Variants in OCA2 observed in about 807,000 individuals in gnomAD.
The protein encoded by OCA2 is P protein.
In OCA2, 77 loss-of-function variants were observed where a neutral mutation model predicts 100.2. The observed-to-expected ratio is 0.77, with a 90% confidence interval of 0.64 to 0.93. OCA2 has a LOEUF of 0.93. Among genes scored for constraint, OCA2 ranks in the 40% least tolerant of loss-of-function variants. The pLI is 0.00. For missense variants in OCA2, 1,062 were observed against 1,089.1 expected (o/e 0.98, Z 0.35); for synonymous variants, 432 against 439.2 (o/e 0.98, Z 0.21).
intron 23 of OCA2, among the ~76,000 whole-genome samples, chr15:27,790,295 A>G (rs1281387877): frequency 1.3e-5 from 2 of 152,250 alleles, no homozygotes; most frequent in African/African-American, 4.8e-5. Context: ...ACTTTCATAC[A>G]TTACTGGAAG....
downstream of OCA2, among the ~76,000 whole-genome samples, chr15:27,750,105 G>A (rs943744315): frequency 1.3e-5 from 2 of 152,088 alleles, no homozygotes; most frequent in Non-Finnish European, 2.9e-5. Context: ...TCCACTTAAA[G>A]CCACCTAGTG....
chr15:27,843,082 T>A (rs781753810), intron 23 of OCA2, among the ~76,000 whole-genome samples: 1 of 152,188 alleles, frequency 6.6e-6, no homozygotes, highest in African/African-American at 2.4e-5. Flanking sequence ...AGGCCTCCCA[T>A]GCCTACTTGT....
intron 23 of OCA2, among the ~76,000 whole-genome samples, chr15:27,831,102 A>G (rs78890338): frequency 0.028 from 4,301 of 152,092 alleles, 86 homozygotes; most frequent in African/African-American, 0.055. Flanking sequence ...CCTGGCCAAC[A>G]CGGTGAAAAC....
chr15:27,917,959 G>T (rs1436503619), intron 19 of OCA2, among the ~76,000 whole-genome samples: 1 of 151,906 alleles, frequency 6.6e-6, no homozygotes, highest in African/African-American at 2.4e-5. Context: ...AGATTCCATT[G>T]TTCCTCAACT....
intron 23 of OCA2, among the ~76,000 whole-genome samples, chr15:27,836,824 A>C (rs1000552660): frequency 1.3e-5 from 2 of 152,166 alleles, no homozygotes; most frequent in Non-Finnish European, 2.9e-5. Context: ...TATTTTCTAG[A>C]TGGTTTATTC....
chr15:27,728,264 C>T, the OCA2 span, among the ~76,000 whole-genome samples: 1,657 of 152,266 alleles, frequency 0.011, 23 homozygotes, highest in African/African-American at 0.038. Context: ...TAGACATTTC[C>T]TTTCAGAAAC....
chr15:27,799,199 C>A (rs377488026), intron 23 of OCA2, among the ~76,000 whole-genome samples: 1 of 152,204 alleles, frequency 6.6e-6, no homozygotes, highest in Non-Finnish European at 1.5e-5. Context: ...AGCTGCCCCA[C>A]GGACATTATC....
intron 23 of OCA2, among the ~76,000 whole-genome samples, chr15:27,816,690 C>T (rs141339386): frequency 3.1e-4 from 47 of 152,280 alleles, no homozygotes; most frequent in African/African-American, 9.9e-4. Flanking sequence ...CCCAGGATGA[C>T]GATACCCTAC....
chr15:27,917,027 C>G (rs1251527770), intron 19 of OCA2, among the ~76,000 whole-genome samples: 1 of 152,080 alleles, frequency 6.6e-6, no homozygotes, highest in African/African-American at 2.4e-5. Context: ...GCAGGCCACT[C>G]TGAAGGGAAT....
At chr15:27,719,901 T>C in the OCA2 span, among the ~76,000 whole-genome samples, 10 of 152,238 alleles carry the variant, frequency 6.6e-5, no homozygotes, top group East Asian at 1.2e-3. Flanking sequence ...TCTCTCTTTC[T>C]CCTCCTATAA....
At position 27,807,938 on chromosome 15, in the gene OCA2, C is replaced by T. The variant is rs538043322; in HGVS notation, c.2432+37021G>A. Among the ~76,000 whole-genome samples the T allele has an allele frequency of 1.3e-4, 20 of 152,310 alleles. No homozygotes were observed. In the South Asian group the frequency reaches 2.3e-3, roughly 17 times the overall value. ...GGGCAGGGCTAGAGGAGTCTACTCC[C>T]CTGTACATTTACTGACAGCACTCCT... On this transcript the variant is annotated intron_variant, in intron 23 of 23. Transcript: ENST00000354638.
chr15:27,801,950 A>G (rs2033632477), intron 23 of OCA2, among the ~76,000 whole-genome samples: 1 of 152,184 alleles, frequency 6.6e-6, no homozygotes, highest in South Asian at 2.1e-4. Flanking sequence ...GTAAATAGCC[A>G]ATGCATTTTA....
chr15:28,022,496 G>A lies in OCA2; in HGVS notation c.646+5C>T, dbSNP rs1482779383. On this transcript the variant is annotated splice_donor_5th_base_variant and intron_variant, in intron 6 of 23. Transcript: ENST00000354638. ...GCTGGCCATCTCAGAGTGGATTTTGGATACAGTAGTTCTCCAGCGGTGATA... is the reference window on the plus strand; with the variant it reads ...GCTGGCCATCTCAGAGTGGATTTTGAATACAGTAGTTCTCCAGCGGTGATA... 1 of 1,609,184 alleles carries A rather than the reference G, an allele frequency of 6.2e-7. No homozygotes were observed. Among genetic ancestry groups the A allele is most frequent in the Non-Finnish European group, 8.5e-7 (1 of 1,175,590 alleles).
At chr15:27,898,336 G>C (rs747165321) in intron 19 of OCA2, among the ~76,000 whole-genome samples, 20 of 152,202 alleles carry the variant, frequency 1.3e-4, no homozygotes, top group Non-Finnish European at 2.2e-4. Flanking sequence ...GTCATGGGAG[G>C]AACACAGTGG....
At chr15:27,970,829 G>C (rs1241809386) in intron 14 of OCA2, among the ~76,000 whole-genome samples, 2 of 151,628 alleles carry the variant, frequency 1.3e-5, no homozygotes, top group Non-Finnish European at 2.9e-5. Context: ...TGGCATGGTG[G>C]GAAAACGTGA....
intron 9 of OCA2, among the ~76,000 whole-genome samples, chr15:28,000,209 C>T (rs2041884767): frequency 6.6e-6 from 1 of 152,146 alleles, no homozygotes; most frequent in African/African-American, 2.4e-5. Flanking sequence ...TGATATCAAA[C>T]TATATTACAC....
chr15:28,088,985 C>T (rs1004835740), intron 1 of OCA2, among the ~76,000 whole-genome samples: 11 of 152,198 alleles, frequency 7.2e-5, no homozygotes, highest in Non-Finnish European at 1.2e-4. Flanking sequence ...CATCCCTCAT[C>T]GACAACCGTA....
intron 23 of OCA2, among the ~76,000 whole-genome samples, chr15:27,802,421 A>C (rs571574896): frequency 6.6e-6 from 1 of 152,274 alleles, no homozygotes; most frequent in South Asian, 2.1e-4. Flanking sequence ...ATAAAATCAC[A>C]GCAAGCTATT....
At chr15:27,858,321 C>A (rs572483594) in intron 21 of OCA2, among the ~76,000 whole-genome samples, 2 of 150,964 alleles carry the variant, frequency 1.3e-5, no homozygotes, top group African/African-American at 4.9e-5. Context: ...TTGCAGTGAG[C>A]CGAGATCACA....
Sources: gnomAD v4.1 joint callset for allele counts (sites outside exome capture counted in the v4.1 genomes callset) on GRCh38, gnomAD v4.1.1 for gene constraint, MANE v1.5 for transcripts, NCBI Gene and HGNC (gene_info 2026-07-23, HGNC 2026-07-21) for gene names.